GNAS-AS1: variants seen among roughly 807,000 people sequenced by gnomAD.
The protein encoded by GNAS-AS1 is GNAS antisense RNA 1.
chr20:58,831,013 A>C (rs76473307), intron 4 of GNAS-AS1, among the ~76,000 whole-genome samples: 7,025 of 152,306 alleles, frequency 0.046, 269 homozygotes, highest in African/African-American at 0.098. Context: ...TCAGAGGACA[A>C]CGCAAGGCAT....
chr20:58,838,934 A>C (rs2085638072), intron 4 of GNAS-AS1: 4 of 397,318 alleles, frequency 1.0e-5, no homozygotes, highest in Non-Finnish European at 1.8e-5. Flanking sequence ...AAAAAAAAAA[A>C]AAAAAAACCT....
chr20:58,836,988 C>T (rs1192978830), intron 4 of GNAS-AS1, among the ~76,000 whole-genome samples: 3 of 152,078 alleles, frequency 2.0e-5, no homozygotes, highest in Non-Finnish European at 4.4e-5. Flanking sequence ...CAGGCAATCT[C>T]GGTGTATCTA....
At chr20:58,835,888 A>G (rs2085599225) in intron 4 of GNAS-AS1, among the ~76,000 whole-genome samples, 1 of 152,116 alleles carries the variant, frequency 6.6e-6, no homozygotes, top group African/African-American at 2.4e-5. Context: ...TCTTTGCTTC[A>G]ACAAGTGATG....
chr20:58,841,363 C>A lies in GNAS-AS1; in HGVS notation n.819+574G>T. On this transcript the variant is annotated intron_variant and non_coding_transcript_variant, in intron 4 of 4. Transcript: ENST00000424094. The surrounding 1 kb of genome is among the most constrained non-coding windows in gnomAD (Gnocchi z 5.0). ...TGAGAGCAGCCGCGCTGTAGAGACA[C>A]CGTTGAAATGTGCGGAAAGTAATCT... is the stretch of plus-strand genomic sequence containing the variant. 9.7e-7 allele frequency: 1 copy of A among 1,029,888 alleles called. No homozygotes were observed. The highest frequency in any genetic ancestry group is 1.2e-6 in the Non-Finnish European group (1 of 857,138). The allele number at this position is 1,029,888 out of a possible 1,614,324, so 63.8% of individuals were successfully genotyped here.
At chr20:58,823,516 A>G (rs1350895420) in intron 4 of GNAS-AS1, among the ~76,000 whole-genome samples, 1 of 152,226 alleles carries the variant, frequency 6.6e-6, no homozygotes, top group East Asian at 1.9e-4. Context: ...TGTCCGCCAC[A>G]GCTGTCCTCC....
intron 4 of GNAS-AS1, among the ~76,000 whole-genome samples, chr20:58,830,140 C>T (rs930700785): frequency 6.6e-6 from 1 of 151,912 alleles, no homozygotes; most frequent in Non-Finnish European, 1.5e-5. Context: ...CCATTACCAC[C>T]ACCATACCAC....
At position 58,840,129 on chromosome 20, in the gene GNAS-AS1, A is replaced by C. The variant is rs1225314176; in HGVS notation, n.819+1808T>G. 1.1e-5 allele frequency: 17 copies of C among 1,611,348 alleles called. No individual in the cohort carries two copies. The highest frequency in any genetic ancestry group is 1.4e-5 in the Non-Finnish European group (16 of 1,179,946). On this transcript the variant is annotated intron_variant and non_coding_transcript_variant, in intron 4 of 4. Coordinates refer to ENST00000424094, the Ensembl canonical transcript of GNAS-AS1. This position sits in a 1 kb window ranked among gnomAD's most constrained non-coding sequence, Gnocchi z 6.0. ...AGGATGGATCGGAGGTCCCGGGCTC[A>C]GCAGTGGCGCCGAGCTCGCCATAAT... is the stretch of plus-strand genomic sequence containing the variant.
In GNAS-AS1 at chr20:58,840,870, T is replaced by G. The variant is rs775141554; in HGVS notation, n.819+1067A>C. On this transcript the variant is annotated intron_variant and non_coding_transcript_variant, in intron 4 of 4. Coordinates refer to ENST00000424094, the Ensembl canonical transcript of GNAS-AS1. This position sits in a 1 kb window ranked among gnomAD's most constrained non-coding sequence, Gnocchi z 6.0. The stretch of plus-strand genomic sequence containing the variant: ...TGGAGGACGCCGTCCAGATTCTCCT[T>G]GTTTTCATGGATTCAGGTTAGTTGC... The G allele has an allele frequency of 2.5e-6, 4 of 1,612,742 alleles. No individual in the cohort carries two copies. The Admixed American group carries it at 5.0e-5, about 20-fold the overall frequency.
chr20:58,842,186 C>A (rs2085762783), exon 4 of GNAS-AS1: 1 of 398,550 alleles, frequency 2.5e-6, no homozygotes. Flanking sequence ...AACGCACCTT[C>A]GGAAGGGAAG....
rs556504141 is a variant in GNAS-AS1 at position 58,823,425 on chromosome 20, T to A, written n.820-4170A>T. On this transcript the variant is annotated intron_variant and non_coding_transcript_variant, in intron 4 of 4. Transcript: ENST00000424094. ...CTACAAGGAGAAGGCTGGCAGGGGC[T>A]TGGGGGGCTTTGGAGAGGCAGGTCA... 3.9e-5 allele frequency among the ~76,000 whole-genome samples: 6 copies of A among 152,306 alleles called. No homozygotes were observed. The East Asian group carries it at 1.2e-3, about 29-fold the overall frequency.
At chr20:58,845,675 C>A (rs1275628313) in intron 2 of GNAS-AS1, among the ~76,000 whole-genome samples, 1 of 152,140 alleles carries the variant, frequency 6.6e-6, no homozygotes, top group Non-Finnish European at 1.5e-5. Flanking sequence ...TGTTTTCTTT[C>A]CCTTGTTTAA....
At chr20:58,820,480 C>G (rs539780150) in intron 4 of GNAS-AS1, among the ~76,000 whole-genome samples, 34 of 152,334 alleles carry the variant, frequency 2.2e-4, no homozygotes, top group Admixed American at 9.8e-4. Context: ...TCCCAAAGGG[C>G]CAAGGAAGAT....
intron 4 of GNAS-AS1, among the ~76,000 whole-genome samples, chr20:58,822,729 T>C (rs964856655): frequency 6.6e-6 from 1 of 152,128 alleles, no homozygotes; most frequent in East Asian, 1.9e-4. Context: ...CTTACTTAAT[T>C]CTCTCCTGGC....
chr20:58,836,806 G>A (rs375122158), intron 4 of GNAS-AS1, among the ~76,000 whole-genome samples: 2 of 152,218 alleles, frequency 1.3e-5, no homozygotes, highest in African/African-American at 4.8e-5. Context: ...CAGAGCCTGT[G>A]GTGAATGTAC....
intron 4 of GNAS-AS1, chr20:58,824,097 A>G (rs2145451211): frequency 5.0e-6 from 2 of 398,644 alleles, no homozygotes; most frequent in East Asian, 3.6e-5. Flanking sequence ...TGAAGAACGA[A>G]CTGTTAGGTG....
At chr20:58,828,316 A>G (rs1274949476) in intron 4 of GNAS-AS1, among the ~76,000 whole-genome samples, 1 of 152,248 alleles carries the variant, frequency 6.6e-6, no homozygotes, top group Non-Finnish European at 1.5e-5. Flanking sequence ...GTGATCAAGA[A>G]AAGAATGTGA....
chr20:58,831,344 CTAGA>C (rs1468911112), intron 4 of GNAS-AS1, among the ~76,000 whole-genome samples: 2 of 152,014 alleles, frequency 1.3e-5, no homozygotes, highest in African/African-American at 4.8e-5. Flanking sequence ...AAAAAATCTG[CTAGA>C]TAAAGTCACT....
intron 4 of GNAS-AS1, chr20:58,824,059 C>A: frequency 2.5e-6 from 1 of 398,656 alleles, no homozygotes. Context: ...AGGAAGAGGT[C>A]GGCTTCAACA....
chr20:58,835,776 T>C (rs955539722), intron 4 of GNAS-AS1, among the ~76,000 whole-genome samples: 1 of 152,226 alleles, frequency 6.6e-6, no homozygotes, highest in African/African-American at 2.4e-5. Context: ...AGTGGCTCAA[T>C]TTATGATTGC....
Sources: allele counts gnomAD v4.1 joint callset (sites outside exome capture counted in the v4.1 genomes callset), GRCh38; gene constraint gnomAD v4.1.1; non-coding constraint Gnocchi (gnomAD v3.1); transcripts MANE v1.5; gene names NCBI Gene and HGNC (gene_info 2026-07-23, HGNC 2026-07-21).